ANO4: variants seen among roughly 807,000 people sequenced by gnomAD.
The protein encoded by ANO4 is anoctamin-4.
A neutral mutation model predicts 141.9 loss-of-function variants in ANO4; 69 were observed. The observed-to-expected ratio is 0.49, with a 90% CI of 0.40 to 0.59. The LOEUF (loss-of-function observed/expected upper bound fraction) is 0.59, where lower values mean the gene tolerates loss of function less well. ANO4 is among the 20% of genes least tolerant of loss of function. The probability of loss-of-function intolerance (pLI) is 0.00; values close to 1 mark genes in which losing one functional copy is unlikely to be tolerated. For synonymous variants in ANO4, 350 were observed against 394.3 expected (o/e 0.89, Z 1.33); for missense variants, 894 against 1,162.2 (o/e 0.77, Z 3.36).
intron 1 of ANO4, among the ~76,000 whole-genome samples, chr12:100,864,618 C>T (rs11110564): frequency 0.19 from 29,602 of 152,100 alleles, 3,195 homozygotes; most frequent in Middle Eastern, 0.3. Context: ...CATCATAAGC[C>T]CTGCTTTTGC....
intron 7 of ANO4, among the ~76,000 whole-genome samples, chr12:100,975,610 T>G (rs2044142011): frequency 4.0e-5 from 6 of 151,744 alleles, no homozygotes; most frequent in Admixed American, 3.9e-4. Context: ...CCAGCTAATT[T>G]CTGTATTTTT....
At chr12:101,034,420 T>C (rs1725698625) in intron 9 of ANO4, among the ~76,000 whole-genome samples, 1 of 152,106 alleles carries the variant, frequency 6.6e-6, no homozygotes, top group Admixed American at 6.6e-5. Flanking sequence ...CCCTCACTCA[T>C]AAGCAGGAAT....
chr12:101,044,279 G>A (rs1307906397), intron 13 of ANO4, among the ~76,000 whole-genome samples: 2 of 152,108 alleles, frequency 1.3e-5, no homozygotes, highest in East Asian at 1.9e-4. Flanking sequence ...TTGGCATGAC[G>A]TGAGGACTAA....
chr12:100,851,069 A>G (rs542021873), intron 1 of ANO4, among the ~76,000 whole-genome samples: 2 of 152,256 alleles, frequency 1.3e-5, no homozygotes, highest in East Asian at 1.9e-4. Flanking sequence ...CTATCTTGCT[A>G]TGCATATTGC....
intron 5 of ANO4, among the ~76,000 whole-genome samples, chr12:100,968,200 G>A (rs1299501886): frequency 3.3e-5 from 5 of 152,196 alleles, no homozygotes; most frequent in Admixed American, 1.3e-4. Flanking sequence ...GAGATCCCAC[G>A]TCAGAATTTT....
chr12:100,823,548 C>T (rs143123986), intron 1 of ANO4, among the ~76,000 whole-genome samples: 93 of 151,922 alleles, frequency 6.1e-4, no homozygotes, highest in African/African-American at 2.0e-3. Flanking sequence ...GATAGAAATC[C>T]GGGAAATTGC....
chr12:101,049,543 G>T (rs2047773921), intron 14 of ANO4, among the ~76,000 whole-genome samples: 1 of 151,150 alleles, frequency 6.6e-6, no homozygotes, highest in South Asian at 2.1e-4. Flanking sequence ...GGATGGGTGG[G>T]TCAATGGATA....
chr12:100,767,786 G>T (rs1196876450), intron 3 of ANO4, among the ~76,000 whole-genome samples: 1 of 152,244 alleles, frequency 6.6e-6, no homozygotes, highest in Admixed American at 6.5e-5. Context: ...GAGAAGGGAA[G>T]CCACTACAGT....
intron 13 of ANO4, among the ~76,000 whole-genome samples, chr12:101,047,786 T>C (rs533682022): frequency 1.3e-5 from 2 of 152,300 alleles, no homozygotes; most frequent in South Asian, 2.1e-4. Context: ...AGTAGGTAAA[T>C]ATAGTGATTA....
chr12:100,754,112 G>A (rs1279875723), intron 3 of ANO4, among the ~76,000 whole-genome samples: 2 of 152,198 alleles, frequency 1.3e-5, no homozygotes, highest in African/African-American at 4.8e-5. Context: ...AAGAACTGGG[G>A]ATGTGAGGGT....
At chr12:100,869,788 G>A (rs963541532) in intron 1 of ANO4, among the ~76,000 whole-genome samples, 1 of 152,178 alleles carries the variant, frequency 6.6e-6, no homozygotes, top group African/African-American at 2.4e-5. Flanking sequence ...CTAAGGCTGT[G>A]AGAAGAAGCC....
chr12:101,095,932 T>C (rs1456851307), intron 18 of ANO4, among the ~76,000 whole-genome samples: 4 of 152,096 alleles, frequency 2.6e-5, no homozygotes, highest in Non-Finnish European at 5.9e-5. Context: ...CTGACTGAGG[T>C]CAGGAAATTA....
rs145828428 is a variant in ANO4, at chr12:100,864,795, C to T, written c.-140-36851C>T. On this transcript the variant is annotated intron_variant, in intron 1 of 27. Transcript: ENST00000392977. ...TGGTTTGCTGCACCCATCAACCCGT[C>T]ATCTACATTTTAGGTATTTCTCCTA... is the stretch of plus-strand genomic sequence containing the variant. Among the ~76,000 whole-genome samples, 451 of 152,286 alleles carry T rather than the reference C, an allele frequency of 3.0e-3. 3 individuals carry two copies. The highest frequency in any genetic ancestry group is 0.01 in the African/African-American group (418 of 41,560).
chr12:101,045,230 A>G (rs1012805517), intron 13 of ANO4, among the ~76,000 whole-genome samples: 2 of 152,200 alleles, frequency 1.3e-5, no homozygotes, highest in African/African-American at 4.8e-5. Context: ...TCTCACAGCA[A>G]CTTCAAGATA....
intron 9 of ANO4, among the ~76,000 whole-genome samples, chr12:101,026,639 A>G (rs2046748110): frequency 6.6e-6 from 1 of 152,216 alleles, no homozygotes; most frequent in African/African-American, 2.4e-5. Flanking sequence ...GGTCGAAGTC[A>G]ATTCAGTGGG....
At chr12:101,123,500 G>A (rs1179020116) in intron 26 of ANO4, among the ~76,000 whole-genome samples, 2 of 126,324 alleles carry the variant, frequency 1.6e-5, no homozygotes, top group Non-Finnish European at 3.2e-5. Flanking sequence ...GCCCCTTTGT[G>A]TGTTGTTTCC....
At chr12:100,891,799 GAATAC>G (rs543154193) in intron 1 of ANO4, among the ~76,000 whole-genome samples, 229 of 152,094 alleles carry the variant, frequency 1.5e-3, no homozygotes, top group African/African-American at 5.3e-3. Context: ...TGATTTTTAA[GAATAC>G]AATACATTAT....
At chr12:100,932,267 A>G (rs973670444) in intron 3 of ANO4, among the ~76,000 whole-genome samples, 2 of 152,144 alleles carry the variant, frequency 1.3e-5, no homozygotes, top group African/African-American at 4.8e-5. Flanking sequence ...TTTGGAAAAT[A>G]GAGAAGTAAA....
At chr12:100,754,444 T>C (rs1435511005) in intron 3 of ANO4, among the ~76,000 whole-genome samples, 1 of 151,982 alleles carries the variant, frequency 6.6e-6, no homozygotes, top group Non-Finnish European at 1.5e-5. Context: ...CCACGTGTTG[T>C]CATTGTCTAA....
Sources: gnomAD v4.1 joint callset for allele counts (sites outside exome capture counted in the v4.1 genomes callset) on GRCh38, gnomAD v4.1.1 for gene constraint, MANE v1.5 for transcripts, NCBI Gene and HGNC (gene_info 2026-07-23, HGNC 2026-07-21) for gene names.